KLHL32: variants seen among roughly 807,000 people sequenced by gnomAD.
KLHL32 encodes the protein kelch-like protein 32.
A neutral mutation model predicts 64.8 loss-of-function variants in KLHL32; 35 were observed. The ratio of observed to expected loss-of-function variants is 0.54; its 90% confidence interval spans 0.41 to 0.72. The LOEUF is 0.72. Ranked by LOEUF, KLHL32 falls within the 30% of genes least tolerant of loss-of-function variation. The pLI, the probability that KLHL32 is intolerant of heterozygous loss-of-function variation, is 0.00. For synonymous variants in KLHL32, 259 were observed against 281.0 expected (o/e 0.92, Z 0.78); for missense variants, 589 against 768.5 (o/e 0.77, Z 2.76).
rs971773762 is a variant in KLHL32, at chr6:97,140,434, T to C, written c.*1152T>C. The stretch of plus-strand genomic sequence containing the variant: ...TGTGGAATTCTTCACCACCAATACA[T>C]ATTTTATTACTATCTCTTTTAATAA... On this transcript the variant is annotated 3_prime_UTR_variant, in exon 11 of 11. Transcript: ENST00000369261. 1.3e-5 allele frequency: 2 copies of C among 152,090 alleles called. No individual in the cohort carries two copies. Among genetic ancestry groups the C allele is most frequent in the African/African-American group, 4.8e-5 (2 of 41,466 alleles). The allele number at this position is 152,090 out of a possible 1,614,324, so 9.4% of individuals were successfully genotyped here. A position where few individuals can be genotyped will look rare whatever the true frequency, so the allele number is the denominator to read the frequency against.
At chr6:96,973,730 C>CTCTTTT (rs1554208428) in intron 2 of KLHL32, among the ~76,000 whole-genome samples, 2 of 118,244 alleles carry the variant, frequency 1.7e-5, no homozygotes, top group African/African-American at 6.5e-5. Flanking sequence ...TACAGATTGC[C>CTCTTTT]TTTTTTTTTT....
At chr6:97,116,693 TAAGA>T (rs1463075832) in intron 7 of KLHL32, among the ~76,000 whole-genome samples, 1 of 152,182 alleles carries the variant, frequency 6.6e-6, no homozygotes, top group East Asian at 1.9e-4. Flanking sequence ...AGTGAGGCCT[TAAGA>T]AAGCACAGAA....
chr6:97,123,512 A>G (rs1384225779), intron 7 of KLHL32, among the ~76,000 whole-genome samples: 1 of 152,200 alleles, frequency 6.6e-6, no homozygotes, highest in African/African-American at 2.4e-5. Flanking sequence ...TATATCTTTA[A>G]GTCACAGTTC....
At chr6:97,024,504 G>C (rs1397338901) in intron 3 of KLHL32, among the ~76,000 whole-genome samples, 1 of 151,808 alleles carries the variant, frequency 6.6e-6, no homozygotes, top group African/African-American at 2.4e-5. Context: ...TAAGTTACCA[G>C]GTAACAGTGA....
chr6:97,029,467 A>G (rs1783201759), intron 3 of KLHL32, among the ~76,000 whole-genome samples: 1 of 151,608 alleles, frequency 6.6e-6, no homozygotes, highest in African/African-American at 2.4e-5. Context: ...GCCTAATTAT[A>G]TTTACAGTAA....
At chr6:97,127,769 G>A (rs1393524989) in intron 8 of KLHL32, among the ~76,000 whole-genome samples, 3 of 152,060 alleles carry the variant, frequency 2.0e-5, no homozygotes, top group Admixed American at 2.0e-4. Flanking sequence ...TTCTAGGAGG[G>A]GATCATGCTT....
intron 2 of KLHL32, 41 bp from the exon 3 acceptor site, chr6:96,975,956 G>A: frequency 6.8e-7 from 1 of 1,478,922 alleles, no homozygotes. Flanking sequence ...CCACAGGGCT[G>A]GGAAAAGGAA....
At chr6:97,009,013 G>A (rs977364112) in intron 3 of KLHL32, among the ~76,000 whole-genome samples, 1 of 151,912 alleles carries the variant, frequency 6.6e-6, no homozygotes, top group Non-Finnish European at 1.5e-5. Context: ...CATACTTTCT[G>A]GCTGTGTATA....
chr6:97,099,068 T>A (rs1045506521), intron 6 of KLHL32, among the ~76,000 whole-genome samples: 1 of 152,236 alleles, frequency 6.6e-6, no homozygotes, highest in Non-Finnish European at 1.5e-5. Flanking sequence ...GCATAACTCA[T>A]TTTGTCAAAT....
chr6:96,944,039 C>G (rs182213710), intron 1 of KLHL32, among the ~76,000 whole-genome samples: 3 of 152,172 alleles, frequency 2.0e-5, no homozygotes, highest in Non-Finnish European at 4.4e-5. Context: ...TAGTTCACCA[C>G]CAGCATTAAT....
intron 5 of KLHL32, among the ~76,000 whole-genome samples, chr6:97,067,998 A>T (rs893291031): frequency 8.8e-5 from 10 of 114,158 alleles, no homozygotes; most frequent in African/African-American, 3.3e-4. Context: ...GAATGGGGAA[A>T]ACTTCATACA....
intron 3 of KLHL32, among the ~76,000 whole-genome samples, chr6:97,003,057 T>C (rs1779235920): frequency 6.6e-6 from 1 of 152,144 alleles, no homozygotes; most frequent in Non-Finnish European, 1.5e-5. Context: ...TTCTAAGTTC[T>C]TTGAGAAATC....
At chr6:97,053,541 TA>T (rs1392302753) in intron 4 of KLHL32, among the ~76,000 whole-genome samples, 1 of 152,020 alleles carries the variant, frequency 6.6e-6, no homozygotes, top group Non-Finnish European at 1.5e-5. Context: ...AGACTAAAAG[TA>T]AAAAAATATT....
At chr6:97,100,799 CTTTTTT>C (rs763909891) in intron 6 of KLHL32, among the ~76,000 whole-genome samples, 1 of 96,274 alleles carries the variant, frequency 1.0e-5, no homozygotes, top group East Asian at 3.1e-4. Flanking sequence ...GCTCATTATT[CTTTTTT>C]TTTTTTTTTT....
intron 1 of KLHL32, among the ~76,000 whole-genome samples, chr6:96,941,460 C>T (rs889895608): frequency 6.6e-6 from 1 of 152,132 alleles, no homozygotes; most frequent in Non-Finnish European, 1.5e-5. Context: ...ATTAGCCATA[C>T]TTAATCTGAT....
rs561082526 is a variant in KLHL32, at chr6:97,101,060, G to A, written c.628-12723G>A. On this transcript the variant is annotated intron_variant, in intron 6 of 10. Transcript: ENST00000369261. Reference sequence around the variant, plus strand: ...TGGGCTCAGGCAATCCTCCCACCTCGGCCTCCCAAAGTGCTGGGATTATAG... The same window carrying A: ...TGGGCTCAGGCAATCCTCCCACCTCAGCCTCCCAAAGTGCTGGGATTATAG... Among the ~76,000 whole-genome samples, 10 of 139,830 alleles carry A rather than the reference G, an allele frequency of 7.2e-5. No homozygotes were observed. The East Asian group carries it at 1.5e-3, about 21-fold the overall frequency. The allele number at this position is 139,830 out of a possible 152,430, so 91.7% of individuals were successfully genotyped here. A position where few individuals can be genotyped will look rare whatever the true frequency, so the allele number is the denominator to read the frequency against.
chr6:96,916,486 A>G, the KLHL32 span, among the ~76,000 whole-genome samples: 1 of 152,152 alleles, frequency 6.6e-6, no homozygotes, highest in Non-Finnish European at 1.5e-5. Context: ...GCATATTACC[A>G]TCCCACAATT....
At chr6:97,027,179 A>G (rs976232148) in intron 3 of KLHL32, among the ~76,000 whole-genome samples, 6 of 150,344 alleles carry the variant, frequency 4.0e-5, no homozygotes, top group Admixed American at 6.7e-5. Context: ...AAAAAAAAAG[A>G]AAAAGAAAAG....
chr6:97,096,842 G>C (rs922596701), intron 6 of KLHL32, among the ~76,000 whole-genome samples: 2 of 152,178 alleles, frequency 1.3e-5, no homozygotes, highest in East Asian at 3.9e-4. Flanking sequence ...GCAGTGAGAC[G>C]GGGGGAAAAC....
Sources: gnomAD v4.1 joint callset for allele counts (sites outside exome capture counted in the v4.1 genomes callset) on GRCh38, gnomAD v4.1.1 for gene constraint, MANE v1.5 for transcripts, NCBI Gene and HGNC (gene_info 2026-07-23, HGNC 2026-07-21) for gene names.